CYP27A1: variants seen among roughly 807,000 people sequenced by gnomAD.
The protein encoded by CYP27A1 is sterol 26-hydroxylase, mitochondrial.
A neutral mutation model predicts 58.2 loss-of-function variants in CYP27A1; 46 were observed. The observed-to-expected ratio is 0.79, with a 90% confidence interval of 0.62 to 1.01. The LOEUF (loss-of-function observed/expected upper bound fraction) is 1.01. Among genes scored for constraint, CYP27A1 ranks in the 50% least tolerant of loss-of-function variants. The pLI, the probability that CYP27A1 is intolerant of heterozygous loss-of-function variation, is 0.00. For missense variants in CYP27A1, 704 were observed against 687.0 expected (o/e 1.02, Z -0.28); for synonymous variants, 274 against 285.1 (o/e 0.96, Z 0.39).
chr2:218,783,189 A>G (rs903224433), intron 1 of CYP27A1, among the ~76,000 whole-genome samples: 2 of 145,646 alleles, frequency 1.4e-5, no homozygotes, highest in South Asian at 2.3e-4. Context: ...CCAGGGAGGT[A>G]GAGGTTGTGG....
At chr2:218,812,047 G>T (rs1370615418) in intron 2 of CYP27A1, among the ~76,000 whole-genome samples, 175 bp from the exon 3 acceptor site, 1 of 152,186 alleles carries the variant, frequency 6.6e-6, no homozygotes, top group Non-Finnish European at 1.5e-5. Context: ...CTGGTTTGGG[G>T]ATTCTAAGAT....
Position 218,809,590 on chromosome 2 carries a change from C to A in CYP27A1, c.269C>A (p.Ala90Asp). The change falls in exon 2 of 9, where the codon GCC becomes GAC. Residue 90 changes from alanine to aspartate, a missense_variant. Coordinates refer to ENST00000258415, the MANE Select transcript of CYP27A1 (RefSeq NM_000784.4). The part of the protein sequence containing the change: ...QLHQLQVLYK[A>D]KYGPMWMSYL... ...TGAACTCCACAGGTGCTTTACAAGGCCAAGTACGGTCCAATGTGGATGTCC... is the reference window on the plus strand; with the variant it reads ...TGAACTCCACAGGTGCTTTACAAGGACAAGTACGGTCCAATGTGGATGTCC... 1 of 1,614,074 alleles carries A rather than the reference C, an allele frequency of 6.2e-7. No homozygotes were observed. The highest frequency in any genetic ancestry group is 8.5e-7 in the Non-Finnish European group (1 of 1,180,008).
intron 1 of CYP27A1, among the ~76,000 whole-genome samples, chr2:218,794,472 A>G (rs1198075969): frequency 2.6e-5 from 4 of 152,180 alleles, no homozygotes; most frequent in Non-Finnish European, 4.4e-5. Flanking sequence ...AAACCAGGTT[A>G]TTAGAAAACA....
intron 1 of CYP27A1, among the ~76,000 whole-genome samples, chr2:218,784,753 A>G (rs1943426422): frequency 6.6e-6 from 1 of 152,204 alleles, no homozygotes; most frequent in East Asian, 1.9e-4. Flanking sequence ...GTGCTTCCCA[A>G]ATGGCTATTC....
intron 1 of CYP27A1, among the ~76,000 whole-genome samples, chr2:218,807,889 G>T (rs1211535252): frequency 1.3e-5 from 2 of 151,816 alleles, no homozygotes; most frequent in African/African-American, 4.8e-5. Flanking sequence ...GGATTATAGG[G>T]GTGAGTCACC....
chr2:218,792,948 A>C lies in CYP27A1; in HGVS notation c.255+10511A>C, dbSNP rs1318965559. Among the ~76,000 whole-genome samples the C allele has an allele frequency of 2.0e-5, 3 of 152,242 alleles. No homozygotes were observed. In the East Asian group the frequency reaches 5.8e-4, roughly 29 times the overall value. ...AAAAAAGACTTAATTTTGAAGCTGA[A>C]ATCTGATTTTTGGGAAGCCTGACAA... On this transcript the variant is annotated intron_variant, in intron 1 of 8. Transcript: ENST00000258415.
chr2:218,792,771 T>C (rs1219418435), intron 1 of CYP27A1, among the ~76,000 whole-genome samples: 2 of 152,220 alleles, frequency 1.3e-5, no homozygotes, highest in Admixed American at 6.5e-5. Flanking sequence ...GAACATATAT[T>C]AATAACATTC....
intron 6 of CYP27A1, 44 bp from the exon 7 acceptor site, chr2:218,814,336 C>G: frequency 6.2e-7 from 1 of 1,606,080 alleles, no homozygotes; most frequent in Non-Finnish European, 8.5e-7. Flanking sequence ...CACTTTGTAC[C>G]CCCATGAATC....
At chr2:218,804,510 G>A (rs1189042564) in intron 1 of CYP27A1, among the ~76,000 whole-genome samples, 4 of 152,136 alleles carry the variant, frequency 2.6e-5, no homozygotes, top group Non-Finnish European at 4.4e-5. Flanking sequence ...TTTTAATATT[G>A]TTTTGGCTAT....
intron 5 of CYP27A1, 132 bp downstream of exon 5, chr2:218,813,228 C>T (rs2105980576): frequency 2.4e-6 from 2 of 839,818 alleles, no homozygotes; most frequent in Non-Finnish European, 1.8e-6. Flanking sequence ...TGGATACAGC[C>T]CTAGAAGGAA....
At chr2:218,800,524 C>T (rs1179437805) in intron 1 of CYP27A1, among the ~76,000 whole-genome samples, 1 of 152,150 alleles carries the variant, frequency 6.6e-6, no homozygotes. Context: ...ATATGAGTTA[C>T]GATTACATGC....
chr2:218,802,958 A>AT (rs1167928038), intron 1 of CYP27A1, among the ~76,000 whole-genome samples: 1 of 152,156 alleles, frequency 6.6e-6, no homozygotes, highest in Non-Finnish European at 1.5e-5. Context: ...TAATTTATTT[A>AT]TTTTGAGGCA....
At chr2:218,800,801 A>G (rs1192228523) in intron 1 of CYP27A1, among the ~76,000 whole-genome samples, 1 of 152,234 alleles carries the variant, frequency 6.6e-6, no homozygotes, top group Admixed American at 6.5e-5. Context: ...TGTTTTCCCC[A>G]TATGTCATCT....
chr2:218,798,728 C>T (rs1169086123), intron 1 of CYP27A1, among the ~76,000 whole-genome samples: 1 of 152,032 alleles, frequency 6.6e-6, no homozygotes, highest in Non-Finnish European at 1.5e-5. Context: ...ACTAAAAACA[C>T]AAAAATTAGC....
At position 218,798,475 on chromosome 2, in the gene CYP27A1, C is replaced by A. The variant is rs112677157; in HGVS notation, c.256-11102C>A. Among the ~76,000 whole-genome samples, 11 of 152,304 alleles carry A rather than the reference C, an allele frequency of 7.2e-5. 1 individual carries two copies. Among genetic ancestry groups the A allele is most frequent in the African/African-American group, 2.4e-4 (10 of 41,552 alleles). On this transcript the variant is annotated intron_variant, in intron 1 of 8. Transcript: ENST00000258415. ...TGCTAGGTGTAGCCAAGGTTTGAAT[C>A]CTTCCAGCATAATTAAGGGTGTGGT...
intron 1 of CYP27A1, among the ~76,000 whole-genome samples, chr2:218,788,066 C>T (rs998875887): frequency 6.6e-6 from 1 of 152,216 alleles, no homozygotes; most frequent in Non-Finnish European, 1.5e-5. Flanking sequence ...ATGGAGTGGG[C>T]CTTCAGCTCA....
rs576384292 is a variant in CYP27A1, at chr2:218,803,338, C to A, written c.256-6239C>A. Among the ~76,000 whole-genome samples the A allele has an allele frequency of 3.9e-4, 59 of 152,292 alleles. No homozygotes were observed. The South Asian group carries it at 0.011, about 27-fold the overall frequency. On this transcript the variant is annotated intron_variant, in intron 1 of 8. Transcript: ENST00000258415. The stretch of plus-strand genomic sequence containing the variant: ...TTCTTTGTATACTCTGGATATTAAA[C>A]CCTTATCAGATATATGATTTACAAA...
At chr2:218,814,351 GC>G (rs1167922808) in intron 6 of CYP27A1, 28 bp from the exon 7 acceptor site, 1 of 1,610,810 alleles carries the variant, frequency 6.2e-7, no homozygotes, top group Non-Finnish European at 8.5e-7. Flanking sequence ...TGAATCCAGA[GC>G]AGACTCCAGA....
chr2:218,798,439 AT>A (rs1254460792), intron 1 of CYP27A1, among the ~76,000 whole-genome samples: 1 of 152,234 alleles, frequency 6.6e-6, no homozygotes, highest in East Asian at 1.9e-4. Context: ...AGCCTGGTAA[AT>A]TGTTTTTTGT....
Sources: allele counts gnomAD v4.1 joint callset (sites outside exome capture counted in the v4.1 genomes callset), GRCh38; gene constraint gnomAD v4.1.1; transcripts MANE v1.5; gene names NCBI Gene and HGNC (gene_info 2026-07-23, HGNC 2026-07-21).